The following FSTL5 variants were observed in gnomAD, a reference collection of about 807,000 sequenced individuals.
FSTL5 encodes the protein follistatin like 5.
Under a neutral mutation model 89.1 loss-of-function variants are expected in FSTL5, and 62 were observed. The observed-to-expected ratio is 0.70, with a 90% CI of 0.57 to 0.86. The LOEUF (loss-of-function observed/expected upper bound fraction) is 0.86, where lower values mean the gene tolerates loss of function less well. Ranked by LOEUF, FSTL5 falls within the 40% of genes least tolerant of loss-of-function variation. The pLI is 0.00. For synonymous variants in FSTL5, 383 were observed against 346.2 expected (o/e 1.11, Z -1.18); for missense variants, 1,057 against 1,001.6 (o/e 1.06, Z -0.75).
At chr4:161,496,589 G>A (rs765494448) in intron 12 of FSTL5, among the ~76,000 whole-genome samples, 10 of 152,028 alleles carry the variant, frequency 6.6e-5, no homozygotes, top group African/African-American at 9.7e-5. Flanking sequence ...TCAAGACTAC[G>A]ACTTCAACTC....
intron 3 of FSTL5, among the ~76,000 whole-genome samples, chr4:161,939,025 A>T (rs1241360970): frequency 6.6e-6 from 1 of 151,994 alleles, no homozygotes; most frequent in Non-Finnish European, 1.5e-5. Context: ...AAGAAAATGT[A>T]GTCACAGAGA....
intron 4 of FSTL5, among the ~76,000 whole-genome samples, chr4:161,867,539 A>G (rs1732131878): frequency 6.6e-6 from 1 of 151,790 alleles, no homozygotes; most frequent in Admixed American, 6.6e-5. Context: ...AACTATTTGC[A>G]TATTACATGG....
intron 4 of FSTL5, among the ~76,000 whole-genome samples, chr4:161,796,353 C>G (rs781220478): frequency 4.0e-5 from 6 of 151,526 alleles, no homozygotes; most frequent in Non-Finnish European, 7.4e-5. Context: ...TCTTAGGAAG[C>G]CTTCTCAGTG....
chr4:162,127,130 C>G (rs1732114619), intron 1 of FSTL5, among the ~76,000 whole-genome samples: 2 of 152,146 alleles, frequency 1.3e-5, no homozygotes, highest in Non-Finnish European at 2.9e-5. Context: ...GTGGCAGCTT[C>G]CAAGAACTTG....
intron 2 of FSTL5, among the ~76,000 whole-genome samples, chr4:162,055,243 A>T (rs1266747334): frequency 4.0e-5 from 6 of 151,798 alleles, no homozygotes; most frequent in Admixed American, 2.6e-4. Flanking sequence ...AAATATATAT[A>T]TTTTCTTAAC....
At chr4:161,682,232 T>C (rs900412475) in intron 6 of FSTL5, among the ~76,000 whole-genome samples, 1 of 152,188 alleles carries the variant, frequency 6.6e-6, no homozygotes, top group East Asian at 1.9e-4. Flanking sequence ...GGTGAGTGTA[T>C]GTGAAGGCCT....
intron 4 of FSTL5, among the ~76,000 whole-genome samples, chr4:161,779,174 C>T (rs1246755780): frequency 1.3e-5 from 2 of 152,148 alleles, no homozygotes; most frequent in African/African-American, 2.4e-5. Context: ...TCAGTGTGAT[C>T]ATCATAACAC....
At position 161,986,412 on chromosome 4, in the gene FSTL5, C is replaced by T. The variant is rs570368260; in HGVS notation, c.160+47213G>A. 3.3e-5 allele frequency among the ~76,000 whole-genome samples: 5 copies of T among 152,122 alleles called. No individual in the cohort carries two copies. The East Asian group carries it at 9.7e-4, about 30-fold the overall frequency. On this transcript the variant is annotated intron_variant, in intron 3 of 15. Coordinates refer to ENST00000306100, the MANE Select transcript of FSTL5 (RefSeq NM_020116.5). The stretch of plus-strand genomic sequence containing the variant: ...TAAAAATATAAAATAAATAGTTGAG[C>T]CTGGTGGCATGTGCCTATAATCCCA...
intron 3 of FSTL5, among the ~76,000 whole-genome samples, chr4:161,941,738 T>C (rs1271581469): frequency 1.3e-5 from 2 of 151,820 alleles, no homozygotes; most frequent in African/African-American, 2.4e-5. Flanking sequence ...AGCAACTATA[T>C]AAAAAATAAT....
chr4:161,762,702 C>T (rs988702702), intron 5 of FSTL5, among the ~76,000 whole-genome samples: 1 of 152,148 alleles, frequency 6.6e-6, no homozygotes, highest in Non-Finnish European at 1.5e-5. Flanking sequence ...CATATTTTCA[C>T]TTGTTACCTC....
At chr4:161,406,168 G>A (rs1255577792) in intron 15 of FSTL5, among the ~76,000 whole-genome samples, 1 of 152,028 alleles carries the variant, frequency 6.6e-6, no homozygotes, top group Non-Finnish European at 1.5e-5. Context: ...GTAATTACAT[G>A]GGTAAAAAAT....
At chr4:161,514,438 A>C (rs1349162637) in intron 10 of FSTL5, among the ~76,000 whole-genome samples, 1 of 152,174 alleles carries the variant, frequency 6.6e-6, no homozygotes, top group Non-Finnish European at 1.5e-5. Flanking sequence ...CATGGACATA[A>C]AAAAGAAACA....
chr4:161,744,881 A>C (rs969759122), intron 6 of FSTL5, among the ~76,000 whole-genome samples: 10 of 152,202 alleles, frequency 6.6e-5, no homozygotes, highest in African/African-American at 2.2e-4. Context: ...AGGTATTAGT[A>C]GTTTTTCAGT....
intron 14 of FSTL5, among the ~76,000 whole-genome samples, chr4:161,455,355 C>T (rs1355770935): frequency 1.3e-5 from 2 of 151,928 alleles, no homozygotes; most frequent in African/African-American, 2.4e-5. Context: ...AAATATTTGC[C>T]TTGAACAATT....
chr4:161,538,000 T>G (rs576364962), intron 10 of FSTL5, among the ~76,000 whole-genome samples, 166 bp downstream of exon 10: 2 of 152,310 alleles, frequency 1.3e-5, no homozygotes, highest in East Asian at 3.9e-4. Flanking sequence ...CATCTTTAAA[T>G]CTGCTTTTAG....
At chr4:161,985,245 A>G (rs1045975208) in intron 3 of FSTL5, among the ~76,000 whole-genome samples, 5 of 152,164 alleles carry the variant, frequency 3.3e-5, no homozygotes, top group South Asian at 2.1e-4. Context: ...CTCATTATAA[A>G]ATTAAAAAAA....
intron 14 of FSTL5, among the ~76,000 whole-genome samples, chr4:161,457,850 C>T (rs574433249): frequency 6.6e-6 from 1 of 152,180 alleles, no homozygotes; most frequent in South Asian, 2.1e-4. Context: ...CTAAAAGTTG[C>T]CCACTGTGAA....
intron 6 of FSTL5, among the ~76,000 whole-genome samples, chr4:161,720,728 C>G (rs1579046611): frequency 6.6e-6 from 1 of 152,080 alleles, no homozygotes; most frequent in Non-Finnish European, 1.5e-5. Context: ...ATGGATGATC[C>G]CAGAGGCCAT....
chr4:161,678,531 T>C (rs888890749), intron 6 of FSTL5, among the ~76,000 whole-genome samples: 2 of 151,856 alleles, frequency 1.3e-5, no homozygotes, highest in African/African-American at 4.8e-5. Context: ...AAGAGTCAAG[T>C]TGGATTTCAG....
Sources: gnomAD v4.1 joint callset for allele counts (sites outside exome capture counted in the v4.1 genomes callset) on GRCh38, gnomAD v4.1.1 for gene constraint, MANE v1.5 for transcripts, NCBI Gene and HGNC (gene_info 2026-07-23, HGNC 2026-07-21) for gene names.